LINGO2: variants seen among roughly 807,000 people sequenced by gnomAD.
The protein encoded by LINGO2 is leucine rich repeat and Ig domain containing 2.
In LINGO2, 14 loss-of-function variants were observed where a neutral mutation model predicts 30.6. The observed-to-expected ratio is 0.46, with a 90% confidence interval of 0.30 to 0.72. The LOEUF (loss-of-function observed/expected upper bound fraction) is 0.72. Among genes scored for constraint, LINGO2 ranks in the 30% least tolerant of loss-of-function variants. The pLI is 0.07. For synonymous variants in LINGO2, 317 were observed against 288.5 expected, an observed-to-expected ratio of 1.10 and a Z score of -1.00; for missense variants, 729 against 751.7, an observed-to-expected ratio of 0.97 and a Z score of 0.35.
At position 28,147,695 on chromosome 9, in the gene LINGO2, C is replaced by CG. The variant is rs1031377545; in HGVS notation, c.-86-135291dup. Among the ~76,000 whole-genome samples, 79 of 152,224 alleles carry CG rather than the reference C, an allele frequency of 5.2e-4. 1 individual carries two copies. Among genetic ancestry groups the CG allele is most frequent in the African/African-American group, 1.7e-3 (72 of 41,562 alleles). On this transcript the variant is annotated intron_variant, in intron 4 of 5. Transcript: ENST00000379992. This position sits in a 1 kb window ranked among gnomAD's most constrained non-coding sequence, Gnocchi z 4.7. ...CAGCCCCGCACCCCCAACAGCCCCACGGGGGGGCCCGTCCAGGGCCACACA... is the reference window on the plus strand; with the variant it reads ...CAGCCCCGCACCCCCAACAGCCCCACGGGGGGGGCCCGTCCAGGGCCACACA...
chr9:27,978,245 T>C (rs1174636663), intron 5 of LINGO2, among the ~76,000 whole-genome samples: 2 of 152,064 alleles, frequency 1.3e-5, no homozygotes, highest in Non-Finnish European at 2.9e-5. Context: ...TTAGCCAAAC[T>C]GCAATTCAAT....
At chr9:28,552,927 C>T (rs1312597310) in intron 1 of LINGO2, among the ~76,000 whole-genome samples, 7 of 151,190 alleles carry the variant, frequency 4.6e-5, no homozygotes, top group Admixed American at 4.6e-4. Flanking sequence ...AGATGAAGAA[C>T]CTTTTCTCAC....
chr9:28,769,483 TA>T, the LINGO2 span, among the ~76,000 whole-genome samples: 2 of 1,904 alleles, frequency 1.1e-3, no homozygotes, highest in East Asian at 0.05. Flanking sequence ...TATATATATA[TA>T]TATATATATA....
At chr9:28,650,816 C>T (rs1310469378) in intron 1 of LINGO2, among the ~76,000 whole-genome samples, 1 of 152,200 alleles carries the variant, frequency 6.6e-6, no homozygotes, top group Non-Finnish European at 1.5e-5. Context: ...TCTCTGAACA[C>T]TAATCATTTG....
At chr9:28,289,787 C>G (rs908601411) in intron 4 of LINGO2, among the ~76,000 whole-genome samples, 1 of 152,162 alleles carries the variant, frequency 6.6e-6, no homozygotes, top group Non-Finnish European at 1.5e-5. Context: ...CATCTTCTCT[C>G]TCCAGTCTCT....
chr9:28,773,448 A>G, the LINGO2 span, among the ~76,000 whole-genome samples: 1 of 151,744 alleles, frequency 6.6e-6, no homozygotes, highest in South Asian at 2.1e-4. Context: ...GGTACTGTGT[A>G]CTATTTATAT....
chr9:29,161,911 T>C, the LINGO2 span, among the ~76,000 whole-genome samples: 119 of 152,182 alleles, frequency 7.8e-4, no homozygotes, highest in African/African-American at 2.8e-3. Context: ...TATTCTATTA[T>C]TCTTCAGATG....
the LINGO2 span, among the ~76,000 whole-genome samples, chr9:28,785,479 G>C: frequency 1.3e-5 from 2 of 152,098 alleles, no homozygotes; most frequent in African/African-American, 4.8e-5. Context: ...AAATCGCTTT[G>C]CTTATTGATT....
intron 1 of LINGO2, among the ~76,000 whole-genome samples, chr9:28,625,390 G>C (rs1826613669): frequency 6.6e-6 from 1 of 152,108 alleles, no homozygotes; most frequent in South Asian, 2.1e-4. Flanking sequence ...GTTCAAGACT[G>C]TCTTTGCTAC....
At chr9:28,817,636 G>A in the LINGO2 span, among the ~76,000 whole-genome samples, 21 of 152,264 alleles carry the variant, frequency 1.4e-4, no homozygotes, top group African/African-American at 4.1e-4. Context: ...ACTCAGATTG[G>A]TCAGGCTTGG....
At chr9:28,350,179 G>T (rs1336926335) in intron 3 of LINGO2, among the ~76,000 whole-genome samples, 1 of 144,988 alleles carries the variant, frequency 6.9e-6, no homozygotes, top group African/African-American at 2.6e-5. Context: ...TGGACTAAAT[G>T]CTCCAATTAA....
At chr9:28,797,318 T>C in the LINGO2 span, among the ~76,000 whole-genome samples, 1 of 123,764 alleles carries the variant, frequency 8.1e-6, no homozygotes, top group Non-Finnish European at 1.7e-5. Context: ...GTATATGTGA[T>C]ATCATATATA....
the LINGO2 span, among the ~76,000 whole-genome samples, chr9:29,109,031 T>A: frequency 6.6e-6 from 1 of 152,198 alleles, no homozygotes; most frequent in African/African-American, 2.4e-5. Flanking sequence ...TCTATTTCAA[T>A]CTCATTTTTG....
rs560478139 is a variant in LINGO2 at position 28,437,245 on chromosome 9, T to C, written c.-279+38695A>G. ...CACTTTTCTTTCTTTGTCCTAGAGC[T>C]GGGACACTCTTCTTCTGCCTTTGTA... On this transcript the variant is annotated intron_variant, in intron 2 of 5. Coordinates refer to ENST00000379992, the Ensembl canonical transcript of LINGO2. Among the ~76,000 whole-genome samples, 21 of 152,276 alleles carry C rather than the reference T, an allele frequency of 1.4e-4. No individual in the cohort carries two copies. The East Asian group carries it at 3.7e-3, about 27-fold the overall frequency.
chr9:28,878,788 AC>A, the LINGO2 span, among the ~76,000 whole-genome samples: 1 of 152,030 alleles, frequency 6.6e-6, no homozygotes. Context: ...AATTTCAACA[AC>A]CCTTCATGCT....
At chr9:28,079,313 G>A (rs1825711131) in intron 4 of LINGO2, among the ~76,000 whole-genome samples, 1 of 151,994 alleles carries the variant, frequency 6.6e-6, no homozygotes, top group Admixed American at 6.6e-5. Context: ...AATATGAGAA[G>A]GTGATGATAA....
chr9:28,210,982 T>C (rs1330572991), intron 4 of LINGO2, among the ~76,000 whole-genome samples: 2 of 151,450 alleles, frequency 1.3e-5, no homozygotes, highest in African/African-American at 4.8e-5. Flanking sequence ...TCATTCGAAA[T>C]GATGAAGATT....
the LINGO2 span, among the ~76,000 whole-genome samples, chr9:28,981,003 A>G: frequency 3.3e-5 from 5 of 152,172 alleles, 1 homozygote; most frequent in Middle Eastern, 0.014. Context: ...GTGAAACCGT[A>G]CCTTACTGGT....
chr9:28,595,849 T>C (rs1825148972), intron 1 of LINGO2, among the ~76,000 whole-genome samples: 1 of 152,142 alleles, frequency 6.6e-6, no homozygotes, highest in African/African-American at 2.4e-5. Flanking sequence ...GGCAACCAGA[T>C]AATAATAGCT....
Sources: gnomAD v4.1 joint callset for allele counts (sites outside exome capture counted in the v4.1 genomes callset) on GRCh38, gnomAD v4.1.1 for gene constraint, Gnocchi (gnomAD v3.1) non-coding constraint, MANE v1.5 for transcripts, NCBI Gene and HGNC (gene_info 2026-07-23, HGNC 2026-07-21) for gene names.